Variants in SMURF2 observed in about 807,000 individuals in gnomAD.
SMURF2 encodes the protein SMAD specific E3 ubiquitin protein ligase 2.
Under a neutral mutation model 109.6 loss-of-function variants are expected in SMURF2, and 48 were observed. The ratio of observed to expected loss-of-function variants is 0.44; its 90% CI spans 0.35 to 0.56. SMURF2 has a LOEUF of 0.56. Ranked by LOEUF, SMURF2 falls within the 20% of genes least tolerant of loss-of-function variation. The pLI is 0.01. For synonymous variants in SMURF2, 288 were observed against 317.1 expected (o/e 0.91, Z 0.97); for missense variants, 575 against 909.0 (o/e 0.63, Z 4.72).
rs1214549785 is a variant in SMURF2, at chr17:64,550,776, A to AAG, written c.1869+806_1869+807dup. 1.9e-3 allele frequency among the ~76,000 whole-genome samples: 282 copies of AAG among 150,290 alleles called. 5 individuals are homozygous for AAG. Among genetic ancestry groups the AAG allele is most frequent in the African/African-American group, 5.0e-3 (201 of 40,020 alleles). The stretch of plus-strand genomic sequence containing the variant: ...TGTCTCCAAAAAAAAAAAAAAAAAA[A>AAG]AGAGAGAGACATTTAGATTCAATTT... On this transcript the variant is annotated intron_variant, in intron 16 of 18. Transcript: ENST00000262435.
At chr17:64,553,999 T>G (rs768487216) in intron 15 of SMURF2, among the ~76,000 whole-genome samples, 5 of 152,258 alleles carry the variant, frequency 3.3e-5, no homozygotes, top group Non-Finnish European at 5.9e-5. Context: ...TTTAGAGGAC[T>G]TTTTATTTCT....
intron 10 of SMURF2, among the ~76,000 whole-genome samples, chr17:64,566,561 GTTTTTTTTTTTTTT>G (rs1164717270): frequency 5.0e-4 from 22 of 43,804 alleles, no homozygotes; most frequent in East Asian, 1.8e-3. Context: ...AAGCTTTCTG[GTTTTTTTTTTTTTT>G]TTTTTTTTTT....
At chr17:64,646,275 A>G (rs1340261106) in intron 1 of SMURF2, among the ~76,000 whole-genome samples, 1 of 151,946 alleles carries the variant, frequency 6.6e-6, no homozygotes, top group African/African-American at 2.4e-5. Context: ...CACATTGGCC[A>G]GGCTGGTATT....
In SMURF2 at chr17:64,662,145, C is replaced by T; in HGVS notation, c.-265G>A. 4.8e-6 allele frequency: 5 copies of T among 1,034,590 alleles called. No homozygotes were observed. The highest frequency in any genetic ancestry group is 5.8e-6 in the Non-Finnish European group (5 of 862,904). The allele number at this position is 1,034,590 out of a possible 1,614,324, so 64.1% of individuals were successfully genotyped here. ...CGCGGCCGCCCGCGCCGCCTCCGCC[C>T]GCGCCCCCGCCGCCTCCTCGCGGCC... On this transcript the variant is annotated 5_prime_UTR_variant, in exon 1 of 19. Coordinates refer to ENST00000262435, the MANE Select transcript of SMURF2 (RefSeq NM_022739.4).
intron 2 of SMURF2, among the ~76,000 whole-genome samples, chr17:64,599,323 C>A (rs1969861274): frequency 6.6e-6 from 1 of 152,202 alleles, no homozygotes. Context: ...CTCTCGACTT[C>A]ATGCTCTTAA....
At chr17:64,575,602 C>T (rs573369263) in intron 9 of SMURF2, among the ~76,000 whole-genome samples, 1 of 152,050 alleles carries the variant, frequency 6.6e-6, no homozygotes, top group South Asian at 2.1e-4. Flanking sequence ...TTCATAATCA[C>T]AGTTTTATTT....
At position 64,584,361 on chromosome 17, in the gene SMURF2, C is replaced by CT. The variant is rs372682588; in HGVS notation, c.486-818dup. Among the ~76,000 whole-genome samples, 864 of 112,636 alleles carry CT rather than the reference C, an allele frequency of 7.7e-3. 9 individuals carry two copies. The highest frequency in any genetic ancestry group is 9.9e-3 in the Middle Eastern group (2 of 202). The allele number at this position is 112,636 out of a possible 152,430, so 73.9% of individuals were successfully genotyped here. A position where few individuals can be genotyped will look rare whatever the true frequency, so the allele number is the denominator to read the frequency against. ...CGAAACAGCTACTTTCTTTTTTTTT[C>CT]TTTTTTTTTTTTTTTTGAGACAGAG... On this transcript the variant is annotated intron_variant, in intron 6 of 18. Transcript: ENST00000262435.
At chr17:64,622,738 A>G (rs1555690777) in intron 1 of SMURF2, among the ~76,000 whole-genome samples, 1 of 152,150 alleles carries the variant, frequency 6.6e-6, no homozygotes, top group Admixed American at 6.5e-5. Context: ...GTGTTTGTCA[A>G]GTTTTTCCAC....
chr17:64,565,802 G>A (rs1969292408), intron 10 of SMURF2, among the ~76,000 whole-genome samples: 1 of 151,660 alleles, frequency 6.6e-6, no homozygotes, highest in African/African-American at 2.4e-5. Flanking sequence ...ATAAATATCA[G>A]TTACTATAGC....
In SMURF2 at chr17:64,567,629, G is replaced by A. The variant is rs1419397784; in HGVS notation, c.1016+4169C>T. Among the ~76,000 whole-genome samples the A allele has an allele frequency of 2.0e-5, 3 of 152,084 alleles. No individual in the cohort carries two copies. In the East Asian group the frequency reaches 5.8e-4, roughly 29 times the overall value. On this transcript the variant is annotated intron_variant, in intron 10 of 18. Transcript: ENST00000262435. ...CACACTGGAAAAAGAACTGTCTCAGGCCACACATAAAATACACTAACAATA... is the reference window on the plus strand; with the variant it reads ...CACACTGGAAAAAGAACTGTCTCAGACCACACATAAAATACACTAACAATA...
At chr17:64,569,965 T>C (rs1255766842) in intron 10 of SMURF2, among the ~76,000 whole-genome samples, 2 of 152,172 alleles carry the variant, frequency 1.3e-5, no homozygotes, top group African/African-American at 4.8e-5. Context: ...ACTTTTACAT[T>C]AGGGCTTTCA....
Position 64,551,616 on chromosome 17 carries a change from G to A in SMURF2, c.1837C>T (p.Leu613=). 6.2e-7 allele frequency: 1 copy of A among 1,614,024 alleles called. No individual in the cohort carries two copies. Residue 613 remains leucine, a synonymous_variant, in exon 16 of 19, where the codon CTG becomes TTG. Coordinates refer to ENST00000262435, the MANE Select transcript of SMURF2 (RefSeq NM_022739.4). ...KGFNEVIPQH[L]LKTFDEKELE... is the part of the protein sequence containing the mutation. ...TCCTTCTCATCAAATGTCTTCAGCA[G>A]ATGTTGTGGAATTACTTCATTAAAT...
chr17:64,586,422 T>C (rs146423168), intron 5 of SMURF2, among the ~76,000 whole-genome samples: 107 of 152,270 alleles, frequency 7.0e-4, no homozygotes, highest in African/African-American at 2.2e-3. Context: ...ACCATAGTAA[T>C]GGTGCATAGC....
rs1215714670 is a variant in SMURF2 at position 64,581,297 on chromosome 17, T to TA, written c.570-307dup. 2.0e-5 allele frequency among the ~76,000 whole-genome samples: 3 copies of TA among 152,224 alleles called. No individual in the cohort carries two copies. The highest frequency in any genetic ancestry group is 7.2e-5 in the African/African-American group (3 of 41,452). On this transcript the variant is annotated intron_variant, in intron 7 of 18. Coordinates refer to ENST00000262435, the MANE Select transcript of SMURF2 (RefSeq NM_022739.4). The surrounding 1 kb of genome is among the most constrained non-coding windows in gnomAD (Gnocchi z 4.3). ...TACAAAACACTGCTTGATCTAGCTA[T>TA]AGCCTCTCCCTCAGACCTGACTTCC...
Position 64,547,051 on chromosome 17 carries a change from A to G in SMURF2, c.2071+549T>C, listed in dbSNP as rs1409550610. 1.3e-5 allele frequency among the ~76,000 whole-genome samples: 2 copies of G among 152,250 alleles called. No homozygotes were observed. Among genetic ancestry groups the G allele is most frequent in the Non-Finnish European group, 2.9e-5 (2 of 68,032 alleles). On this transcript the variant is annotated intron_variant, in intron 17 of 18. Transcript: ENST00000262435. The surrounding 1 kb of genome is among the most constrained non-coding windows in gnomAD (Gnocchi z 4.2). Reference sequence around the variant, plus strand: ...CACCCAGTGAAGCACCACAATCATTAGCAATATTACCAGCTCCTCCCAAAA... The same window carrying G: ...CACCCAGTGAAGCACCACAATCATTGGCAATATTACCAGCTCCTCCCAAAA...
rs1969975441 is a variant in SMURF2, at chr17:64,606,656, A to C, written c.53-16T>G. 8.8e-6 allele frequency: 13 copies of C among 1,484,122 alleles called. No individual in the cohort carries two copies. Among genetic ancestry groups the C allele is most frequent in the African/African-American group, 1.4e-5 (1 of 70,348 alleles). 91.9% of individuals were successfully genotyped at this position (1,484,122 alleles called of 1,614,324 possible). A position where few individuals can be genotyped will look rare whatever the true frequency, so the allele number is the denominator to read the frequency against. On this transcript the variant is annotated splice_polypyrimidine_tract_variant and intron_variant, in intron 1 of 18. Coordinates refer to ENST00000262435, the MANE Select transcript of SMURF2 (RefSeq NM_022739.4). ...GCACAGAGTACTGTAAAAAAAAAAA[A>C]CAAAAAATACATGGGAAAAATTAAA...
intron 4 of SMURF2, among the ~76,000 whole-genome samples, chr17:64,592,129 C>A (rs1382392138): frequency 1.3e-5 from 2 of 152,228 alleles, no homozygotes; most frequent in African/African-American, 4.8e-5. Flanking sequence ...CCTTCCAATG[C>A]GGCATGCTCC....
intron 2 of SMURF2, among the ~76,000 whole-genome samples, chr17:64,603,711 C>T (rs1969931356): frequency 6.6e-6 from 1 of 151,656 alleles, no homozygotes; most frequent in Admixed American, 6.6e-5. Flanking sequence ...ATTTTTCCTG[C>T]TAAAATTCTG....
intron 3 of SMURF2, among the ~76,000 whole-genome samples, chr17:64,596,878 A>G (rs1486957423): frequency 6.6e-6 from 1 of 152,208 alleles, no homozygotes; most frequent in Non-Finnish European, 1.5e-5. Flanking sequence ...AGATAAATAG[A>G]TAACTAAACA....
Sources: gnomAD v4.1 joint callset for allele counts (sites outside exome capture counted in the v4.1 genomes callset) on GRCh38, gnomAD v4.1.1 for gene constraint, Gnocchi (gnomAD v3.1) non-coding constraint, MANE v1.5 for transcripts, NCBI Gene and HGNC (gene_info 2026-07-23, HGNC 2026-07-21) for gene names.